PCGF6: variants seen among roughly 807,000 people sequenced by gnomAD.
PCGF6 encodes polycomb group RING finger protein 6.
A neutral mutation model predicts 45.5 loss-of-function variants in PCGF6; 24 were observed. The ratio of observed to expected loss-of-function variants is 0.53; its 90% CI spans 0.38 to 0.74. PCGF6 has a LOEUF of 0.74. PCGF6 is among the 30% of genes least tolerant of loss of function. PCGF6 has a pLI of 0.00. For missense variants in PCGF6, 356 were observed against 443.2 expected (o/e 0.80, Z 1.77); for synonymous variants, 152 against 162.1 (o/e 0.94, Z 0.47).
intron 8 of PCGF6, among the ~76,000 whole-genome samples, chr10:103,318,502 T>C (rs1186224812): frequency 6.6e-6 from 1 of 150,692 alleles, no homozygotes; most frequent in African/African-American, 2.4e-5. Flanking sequence ...CCTAGCACTT[T>C]GGGAGGCTGA....
At chr10:103,338,356 ACATGGTGAAACCCTGTCT>A (rs1362393598) in intron 6 of PCGF6, among the ~76,000 whole-genome samples, 7 of 151,860 alleles carry the variant, frequency 4.6e-5, no homozygotes, top group Admixed American at 4.6e-4. Flanking sequence ...ATCCTGGCTA[ACATGGTGAAACCCTGTCT>A]CTACAAAAAA....
intron 9 of PCGF6, among the ~76,000 whole-genome samples, chr10:103,306,101 C>G (rs1564721405): frequency 6.8e-6 from 1 of 146,838 alleles, no homozygotes; most frequent in East Asian, 2.0e-4. Flanking sequence ...AAGCAATCCA[C>G]CTTTTTTTTT....
chr10:103,334,664 A>T (rs1021082470), intron 6 of PCGF6, among the ~76,000 whole-genome samples: 5 of 152,124 alleles, frequency 3.3e-5, no homozygotes, highest in Non-Finnish European at 7.3e-5. Flanking sequence ...ACCTGGACAT[A>T]ATTTTACTCA....
chr10:103,304,855 G>A (rs149780885), intron 9 of PCGF6, among the ~76,000 whole-genome samples: 113 of 152,084 alleles, frequency 7.4e-4, no homozygotes, highest in African/African-American at 2.3e-3. Flanking sequence ...GAGTTTCACC[G>A]TATTGCATAG....
intron 7 of PCGF6, among the ~76,000 whole-genome samples, chr10:103,328,022 C>T (rs1207073182): frequency 6.6e-6 from 1 of 152,032 alleles, no homozygotes; most frequent in Admixed American, 6.6e-5. Context: ...TATCTAGACA[C>T]ATGTGGCTGG....
chr10:103,316,070 CTAACATTACTAT>C (rs1394934872), intron 8 of PCGF6, among the ~76,000 whole-genome samples: 3 of 150,432 alleles, frequency 2.0e-5, no homozygotes, highest in African/African-American at 7.4e-5. Context: ...GCTCCATCTC[CTAACATTACTAT>C]TTAGATTATG....
At chr10:103,315,599 T>A (rs1317432591) in intron 8 of PCGF6, among the ~76,000 whole-genome samples, 1 of 152,140 alleles carries the variant, frequency 6.6e-6, no homozygotes, top group Non-Finnish European at 1.5e-5. Context: ...GACCTGATGA[T>A]CCGCCCACCT....
chr10:103,343,978 T>C (rs1423721123), intron 6 of PCGF6, among the ~76,000 whole-genome samples: 1 of 152,084 alleles, frequency 6.6e-6, no homozygotes, highest in Non-Finnish European at 1.5e-5. Context: ...TATGAATTTG[T>C]TTACGGCAAC....
chr10:103,337,569 GTTAT>G (rs1429486236), intron 6 of PCGF6, among the ~76,000 whole-genome samples: 2 of 152,084 alleles, frequency 1.3e-5, no homozygotes, highest in African/African-American at 4.8e-5. Flanking sequence ...TCTGTCTTGG[GTTAT>G]TTCTTTTTAT....
intron 8 of PCGF6, among the ~76,000 whole-genome samples, chr10:103,315,176 G>A (rs2093170357): frequency 6.6e-6 from 1 of 151,922 alleles, no homozygotes; most frequent in African/African-American, 2.4e-5. Flanking sequence ...TAATTGCAAA[G>A]CTCCAAGATA....
chr10:103,332,691 G>C (rs1227029169), intron 7 of PCGF6, among the ~76,000 whole-genome samples: 1 of 152,050 alleles, frequency 6.6e-6, no homozygotes, highest in Non-Finnish European at 1.5e-5. Flanking sequence ...CATATATCCT[G>C]GTGCTTAAAC....
rs556893792 is a variant in PCGF6 at position 103,330,402 on chromosome 10, T to C, written c.810+3523A>G. 6.5e-4 allele frequency among the ~76,000 whole-genome samples: 99 copies of C among 152,004 alleles called. 1 individual carries two copies. Among genetic ancestry groups the C allele is most frequent in the Middle Eastern group, 6.8e-3 (2 of 294 alleles). Reference sequence around the variant, plus strand: ...GCATATATTGTTTCAACCAGATACATTTTTATATCCCCAAAATGTTTACAC... The same window carrying C: ...GCATATATTGTTTCAACCAGATACACTTTTATATCCCCAAAATGTTTACAC... On this transcript the variant is annotated intron_variant, in intron 7 of 9. Transcript: ENST00000369847.
At chr10:103,324,216 T>C (rs2093208207) in intron 8 of PCGF6, among the ~76,000 whole-genome samples, 1 of 151,742 alleles carries the variant, frequency 6.6e-6, no homozygotes, top group Non-Finnish European at 1.5e-5. Context: ...TGGGATTATA[T>C]AGGTGAGTCA....
intron 6 of PCGF6, among the ~76,000 whole-genome samples, chr10:103,338,597 T>G (rs1353988624): frequency 6.6e-6 from 1 of 150,468 alleles, no homozygotes; most frequent in Non-Finnish European, 1.5e-5. Context: ...TTGGGTGCAG[T>G]GGCTCACGCC....
At chr10:103,324,496 T>C (rs984573634) in intron 8 of PCGF6, among the ~76,000 whole-genome samples, 2 of 151,494 alleles carry the variant, frequency 1.3e-5, no homozygotes, top group South Asian at 4.1e-4. Flanking sequence ...CGGTGGCTTA[T>C]GCCTGTAATC....
chr10:103,325,142 TAAATAAAATA>T (rs202037510), intron 8 of PCGF6, among the ~76,000 whole-genome samples: 1,878 of 145,074 alleles, frequency 0.013, 16 homozygotes, highest in Non-Finnish European at 0.011. Context: ...CTCAAAATAA[TAAATAAAATA>T]AAATAAAATA....
intron 6 of PCGF6, among the ~76,000 whole-genome samples, chr10:103,344,767 G>A (rs1437279772): frequency 1.3e-5 from 2 of 150,902 alleles, no homozygotes; most frequent in African/African-American, 4.9e-5. Context: ...ACGGGGTTTC[G>A]CCATGTTAGC....
intron 8 of PCGF6, among the ~76,000 whole-genome samples, chr10:103,317,003 T>C (rs1592058690): frequency 1.3e-5 from 2 of 152,098 alleles, no homozygotes; most frequent in South Asian, 2.1e-4. Context: ...CATTGTTTTA[T>C]TAATTTTATT....
chr10:103,333,821 T>A, intron 7 of PCGF6, 104 bp downstream of exon 7: 1 of 762,696 alleles, frequency 1.3e-6, no homozygotes, highest in Non-Finnish European at 2.0e-6. Flanking sequence ...GTACTTCATA[T>A]TTAAATAACT....
Sources: allele counts gnomAD v4.1 joint callset (sites outside exome capture counted in the v4.1 genomes callset), GRCh38; gene constraint gnomAD v4.1.1; transcripts MANE v1.5; gene names NCBI Gene and HGNC (gene_info 2026-07-23, HGNC 2026-07-21).